Variants in SHCBP1L observed in about 807,000 individuals in gnomAD.
The protein encoded by SHCBP1L is SHC binding and spindle associated 1 like.
SHCBP1L carries 67 observed loss-of-function variants against 62.5 expected under a neutral mutation model. The ratio of observed to expected loss-of-function variants is 1.07; its 90% confidence interval spans 0.88 to 1.31. The LOEUF is 1.31. SHCBP1L is among the 40% of genes most tolerant of loss of function. The pLI, the probability that SHCBP1L is intolerant of heterozygous loss-of-function variation, is 0.00. For synonymous variants in SHCBP1L, 284 were observed against 289.4 expected, an observed-to-expected ratio of 0.98 and a Z score of 0.19; for missense variants, 823 against 809.8, an observed-to-expected ratio of 1.02 and a Z score of -0.20.
intron 6 of SHCBP1L, among the ~76,000 whole-genome samples, chr1:182,918,906 T>G (rs531774622): frequency 1.3e-5 from 2 of 152,256 alleles, no homozygotes; most frequent in South Asian, 4.2e-4. Context: ...GAAAGAATAG[T>G]CTCTTCAACA....
At chr1:182,929,880 G>A in intron 5 of SHCBP1L, 128 bp from the exon 6 acceptor site, 1 of 605,988 alleles carries the variant, frequency 1.7e-6, no homozygotes, top group Non-Finnish European at 2.8e-6. Flanking sequence ...AGTTCCTTGA[G>A]AGCAATGAGC....
intron 6 of SHCBP1L, among the ~76,000 whole-genome samples, chr1:182,910,832 G>C (rs182450909): frequency 3.3e-5 from 5 of 152,248 alleles, no homozygotes; most frequent in Admixed American, 3.3e-4. Context: ...GAGACAATCT[G>C]CAAACACTGG....
rs1213150188 is a variant in SHCBP1L, at chr1:182,939,691, A to T, written c.771-138T>A. On this transcript the variant is annotated intron_variant, in intron 3 of 9. Transcript: ENST00000367547. ...AATATTTTAAAATGACCTTTGAGTG[A>T]ACTAAAAGGTAAAACTTCAAAAATT... 9.3e-6 allele frequency: 6 copies of T among 644,302 alleles called. No individual in the cohort carries two copies. The South Asian group carries it at 1.4e-4, about 15-fold the overall frequency. 39.9% of individuals were successfully genotyped at this position (644,302 alleles called of 1,614,324 possible). A position where few individuals can be genotyped will look rare whatever the true frequency, so the allele number is the denominator to read the frequency against.
chr1:182,932,785 C>T (rs1651050402), intron 5 of SHCBP1L, among the ~76,000 whole-genome samples: 1 of 151,024 alleles, frequency 6.6e-6, no homozygotes, highest in Admixed American at 6.6e-5. Flanking sequence ...GTGAGCCATC[C>T]TGCTCAGCCT....
intron 5 of SHCBP1L, among the ~76,000 whole-genome samples, chr1:182,934,536 T>A (rs1651107068): frequency 6.6e-6 from 1 of 152,174 alleles, no homozygotes. Context: ...AATTGGGTTG[T>A]TTGTTATGTT....
chr1:182,952,606 T>G, intron 1 of SHCBP1L, 123 bp downstream of exon 1: 2 of 1,221,478 alleles, frequency 1.6e-6, no homozygotes, highest in East Asian at 5.5e-5. Context: ...ATTTACTTTT[T>G]TGAAACGCAA....
At chr1:182,932,929 A>G (rs1651056987) in intron 5 of SHCBP1L, among the ~76,000 whole-genome samples, 1 of 151,606 alleles carries the variant, frequency 6.6e-6, no homozygotes, top group South Asian at 2.1e-4. Context: ...TTTTGGAAAC[A>G]GAGTCTCACT....
chr1:182,932,472 T>TTTAC (rs1651038799), intron 5 of SHCBP1L, among the ~76,000 whole-genome samples: 1 of 151,510 alleles, frequency 6.6e-6, no homozygotes, highest in Middle Eastern at 3.4e-3. Context: ...AATTTTATTA[T>TTTAC]TTATTTATTT....
At position 182,939,553 on chromosome 1, in the gene SHCBP1L, C is replaced by A. The variant is rs766701997; in HGVS notation, c.771G>T (p.Arg257Ser). The change falls in exon 4 of 10, where the codon AGG becomes AGT. Residue 257 changes from arginine to serine, a missense_variant and splice_region_variant. Arg to Ser is a moderately radical substitution (Grantham distance 110). Coordinates refer to ENST00000367547, the MANE Select transcript of SHCBP1L (RefSeq NM_030933.4). Reference sequence around the variant, plus strand: ...CTCTCCAAAGAAAGTCATAAAAAAACCTACGATAAACCAAATTAAGATGAC... The same window carrying A: ...CTCTCCAAAGAAAGTCATAAAAAAAACTACGATAAACCAAATTAAGATGAC... ...HVIALALEVV[R>S]FFYDFLWRDW... 133 of 1,596,716 alleles carry A rather than the reference C, an allele frequency of 8.3e-5. No homozygotes were observed. The highest frequency in any genetic ancestry group is 1.1e-4 in the Non-Finnish European group (131 of 1,172,924).
rs566853974 is a variant in SHCBP1L, at chr1:182,952,965, C to G, written c.169G>C (p.Val57Leu). 8.2e-5 allele frequency: 126 copies of G among 1,545,528 alleles called. No individual in the cohort carries two copies. The African/African-American group carries it at 1.4e-3, about 17-fold the overall frequency. The change falls in exon 1 of 10, where the codon GTG becomes CTG. Residue 57 changes from valine (V) to leucine (L), a missense_variant. Physicochemically the swap from Val to Leu is conservative, Grantham distance 32. Transcript: ENST00000367547. ...GTCTCCCGGCCCGCTTTCCCCTTCA[C>G]CGGGCGAGGGGAGGCCACCACCGAC... ...VRSVVASPRP[V>L]KGKAGRETAR...
rs1273679350 is a variant in SHCBP1L, at chr1:182,904,446, A to T, written c.1337-16T>A. Reference sequence around the variant, plus strand: ...TTTCCAACTCCTGATTCATAGGGATAAAAATACATTAAATCAGTAATCTCC... The same window carrying T: ...TTTCCAACTCCTGATTCATAGGGATTAAAATACATTAAATCAGTAATCTCC... On this transcript the variant is annotated splice_polypyrimidine_tract_variant and intron_variant, in intron 7 of 9. Transcript: ENST00000367547. 26 of 1,612,326 alleles carry T rather than the reference A, an allele frequency of 1.6e-5. No homozygotes were observed. Among genetic ancestry groups the T allele is most frequent in the Non-Finnish European group, 2.0e-5 (24 of 1,179,324 alleles).
intron 6 of SHCBP1L, among the ~76,000 whole-genome samples, chr1:182,919,733 G>C (rs1650470775): frequency 6.6e-6 from 1 of 152,190 alleles, no homozygotes; most frequent in African/African-American, 2.4e-5. Context: ...GTCGTTCACT[G>C]AGGAAGATCA....
chr1:182,913,451 T>A (rs940797387), intron 6 of SHCBP1L, among the ~76,000 whole-genome samples: 2 of 152,194 alleles, frequency 1.3e-5, no homozygotes, highest in African/African-American at 4.8e-5. Context: ...CCCACATATT[T>A]TGGGGTCACA....
intron 6 of SHCBP1L, among the ~76,000 whole-genome samples, chr1:182,925,325 T>C (rs1266202712): frequency 2.6e-5 from 4 of 152,094 alleles, no homozygotes; most frequent in Non-Finnish European, 5.9e-5. Flanking sequence ...ATAACTCTTA[T>C]AGTCAATAAC....
At chr1:182,928,138 A>C (rs1022047677) in intron 6 of SHCBP1L, among the ~76,000 whole-genome samples, 2 of 152,024 alleles carry the variant, frequency 1.3e-5, no homozygotes, top group Admixed American at 1.3e-4. Flanking sequence ...AATTGGTAGA[A>C]TAGCAGACAA....
At chr1:182,935,085 C>G (rs552604235) in intron 5 of SHCBP1L, among the ~76,000 whole-genome samples, 1 of 152,256 alleles carries the variant, frequency 6.6e-6, no homozygotes, top group African/African-American at 2.4e-5. Flanking sequence ...TTATACCATA[C>G]TGTCTTGATT....
chr1:182,924,830 G>A (rs1320908886), intron 6 of SHCBP1L, among the ~76,000 whole-genome samples: 1 of 142,016 alleles, frequency 7.0e-6, no homozygotes, highest in Non-Finnish European at 1.5e-5. Flanking sequence ...GAGAGGGGTG[G>A]GGGAAGGAGG....
intron 5 of SHCBP1L, among the ~76,000 whole-genome samples, chr1:182,936,659 A>G: frequency 6.6e-6 from 1 of 152,146 alleles, no homozygotes; most frequent in East Asian, 1.9e-4. Context: ...CTTTTATGAT[A>G]TTGTTTCATT....
At chr1:182,936,070 G>A (rs755688207) in intron 5 of SHCBP1L, among the ~76,000 whole-genome samples, 11 of 141,648 alleles carry the variant, frequency 7.8e-5, no homozygotes, top group Non-Finnish European at 1.6e-4. Context: ...CTTGTCCTTT[G>A]TTTCCTTTTT....
Sources: gnomAD v4.1 joint callset for allele counts (sites outside exome capture counted in the v4.1 genomes callset) on GRCh38, gnomAD v4.1.1 for gene constraint, MANE v1.5 for transcripts, NCBI Gene and HGNC (gene_info 2026-07-23, HGNC 2026-07-21) for gene names.